Variants in GULP1 observed in about 807,000 individuals in gnomAD.
The protein encoded by GULP1 is GULP PTB domain containing engulfment adaptor 1.
A neutral mutation model predicts 40.9 loss-of-function variants in GULP1; 19 were observed. The ratio of observed to expected loss-of-function variants is 0.46; its 90% CI spans 0.32 to 0.68. GULP1 has a LOEUF of 0.68. GULP1 is among the 30% of genes least tolerant of loss of function. GULP1 has a pLI of 0.03. For missense variants in GULP1, 312 were observed against 362.2 expected, an observed-to-expected ratio of 0.86 and a Z score of 1.12; for synonymous variants, 119 against 117.6, an observed-to-expected ratio of 1.01 and a Z score of -0.08.
intron 9 of GULP1, among the ~76,000 whole-genome samples, chr2:188,573,413 T>C (rs1699518704): frequency 6.6e-6 from 1 of 152,196 alleles, no homozygotes; most frequent in African/African-American, 2.4e-5. Flanking sequence ...ACAATGCAAA[T>C]TGCAAATAAT....
intron 1 of GULP1, among the ~76,000 whole-genome samples, chr2:188,350,245 A>T (rs1373103120): frequency 2.0e-5 from 3 of 152,088 alleles, no homozygotes; most frequent in Non-Finnish European, 4.4e-5. Flanking sequence ...AAGGCAGCTG[A>T]AATTTTGATA....
intron 4 of GULP1, among the ~76,000 whole-genome samples, chr2:188,504,327 G>A (rs1365410444): frequency 6.6e-6 from 1 of 151,908 alleles, no homozygotes; most frequent in Non-Finnish European, 1.5e-5. Context: ...AAGTTTACTG[G>A]AAGTAGGAAC....
chr2:188,465,631 T>C (rs2060046829), intron 2 of GULP1, among the ~76,000 whole-genome samples: 1 of 152,122 alleles, frequency 6.6e-6, no homozygotes, highest in Admixed American at 6.5e-5. Context: ...AACACTGGGA[T>C]TGGCAATTCT....
intron 10 of GULP1, 85 bp from the exon 11 acceptor site, chr2:188,587,770 A>C: frequency 1.3e-6 from 1 of 747,600 alleles, no homozygotes; most frequent in South Asian, 1.7e-5. Flanking sequence ...GTAAATATTC[A>C]TTTATATAAT....
At position 188,470,293 on chromosome 2, in the gene GULP1, G is replaced by A. The variant is rs146751211; in HGVS notation, c.-44-7366G>A. On this transcript the variant is annotated intron_variant, in intron 2 of 11. Coordinates refer to ENST00000409830, the MANE Select transcript of GULP1 (RefSeq NM_016315.4). ...CTGGTTCAATCGTGATACATTTTAT[G>A]TCTCTAGGAATTTGTCCATTTATTC... 1.9e-3 allele frequency among the ~76,000 whole-genome samples: 293 copies of A among 152,152 alleles called. 3 individuals are homozygous for A. Among genetic ancestry groups the A allele is most frequent in the South Asian group, 0.016 (77 of 4,818 alleles).
chr2:188,338,968 T>G (rs2042635585), intron 1 of GULP1, among the ~76,000 whole-genome samples: 1 of 152,224 alleles, frequency 6.6e-6, no homozygotes. Flanking sequence ...GTTTTTCTTT[T>G]TTATTGACAT....
chr2:188,514,277 G>C (rs1056086178), intron 4 of GULP1, among the ~76,000 whole-genome samples: 9 of 151,912 alleles, frequency 5.9e-5, no homozygotes, highest in African/African-American at 2.2e-4. Context: ...GAAGTATTTC[G>C]GTCTTTATTT....
chr2:188,443,690 C>T (rs55809036), intron 2 of GULP1, among the ~76,000 whole-genome samples: 24,540 of 142,316 alleles, frequency 0.17, 2,161 homozygotes, highest in East Asian at 0.24. Flanking sequence ...AATTTCTTTT[C>T]TTTTTTTTTT....
intron 7 of GULP1, among the ~76,000 whole-genome samples, chr2:188,553,594 A>G (rs1358690315): frequency 6.6e-5 from 10 of 152,020 alleles, no homozygotes. Context: ...TATGTTCATC[A>G]GGAATATTGA....
At chr2:188,296,047 T>C (rs1408153501) in intron 1 of GULP1, among the ~76,000 whole-genome samples, 7 of 152,124 alleles carry the variant, frequency 4.6e-5, no homozygotes, top group Admixed American at 4.6e-4. Flanking sequence ...AGTATAATAA[T>C]GAATTCAAAG....
intron 7 of GULP1, among the ~76,000 whole-genome samples, chr2:188,557,729 A>G (rs1412048372): frequency 6.6e-6 from 1 of 152,072 alleles, no homozygotes; most frequent in Non-Finnish European, 1.5e-5. Context: ...CCCAATGGGG[A>G]GTCTGTGTGG....
chr2:188,492,442 T>TA (rs999036361), intron 4 of GULP1, among the ~76,000 whole-genome samples: 1 of 151,998 alleles, frequency 6.6e-6, no homozygotes, highest in Non-Finnish European at 1.5e-5. Context: ...AATACTGATT[T>TA]AAAAAAATAG....
intron 2 of GULP1, among the ~76,000 whole-genome samples, chr2:188,472,515 G>C (rs1419328131): frequency 6.6e-6 from 1 of 151,530 alleles, no homozygotes; most frequent in East Asian, 1.9e-4. Context: ...TCAATAGCTT[G>C]GCTTCAGGCT....
intron 7 of GULP1, among the ~76,000 whole-genome samples, chr2:188,553,776 A>G (rs2153383571): frequency 6.6e-6 from 1 of 152,144 alleles, no homozygotes; most frequent in South Asian, 2.1e-4. Flanking sequence ...GAATCCATCT[A>G]GTCCCGAGCT....
At chr2:188,471,363 C>T (rs1180550401) in intron 2 of GULP1, among the ~76,000 whole-genome samples, 2 of 151,366 alleles carry the variant, frequency 1.3e-5, no homozygotes, top group African/African-American at 4.8e-5. Flanking sequence ...CATTTATGTT[C>T]AGTGGTATTA....
intron 9 of GULP1, among the ~76,000 whole-genome samples, chr2:188,576,160 G>A (rs116791990): frequency 0.016 from 2,505 of 152,002 alleles, 76 homozygotes; most frequent in African/African-American, 0.056. Context: ...CTGCCAACTA[G>A]ACAGCCAATT....
chr2:188,451,776 A>G (rs2058851636), intron 2 of GULP1, among the ~76,000 whole-genome samples: 1 of 150,628 alleles, frequency 6.6e-6, no homozygotes. Context: ...TACTAGGAAA[A>G]TAAAAAAGAA....
intron 6 of GULP1, among the ~76,000 whole-genome samples, chr2:188,532,782 G>A (rs1315717634): frequency 6.6e-6 from 1 of 150,714 alleles, no homozygotes; most frequent in Non-Finnish European, 1.5e-5. Flanking sequence ...GTAGCTGGGT[G>A]TGGTGGTGGG....
rs748933734 is a variant in GULP1, at chr2:188,584,356, G to A, written c.701G>A (p.Arg234His). The stretch of plus-strand genomic sequence containing the variant: ...TCACACCAGTCTTCGATGCCTACTC[G>A]CAATGGCACACAGCCACCTCCAGTA... ...PISHQSSMPT[R>H]NGTQPPPVPS... The change falls in exon 10 of 12, where the codon CGC becomes CAC. Residue 234 changes from arginine (R) to histidine (H), a missense_variant. Arg to His is a conservative substitution (Grantham distance 29). Transcript: ENST00000409830. 1.3e-5 allele frequency: 21 copies of A among 1,605,924 alleles called. No individual in the cohort carries two copies. The highest frequency in any genetic ancestry group is 4.0e-5 in the African/African-American group (3 of 74,656).
Sources: allele counts gnomAD v4.1 joint callset (sites outside exome capture counted in the v4.1 genomes callset), GRCh38; gene constraint gnomAD v4.1.1; transcripts MANE v1.5; gene names NCBI Gene and HGNC (gene_info 2026-07-23, HGNC 2026-07-21).